Variants in IGBP1 observed in about 807,000 individuals in gnomAD.
IGBP1 encodes the protein immunoglobulin binding protein 1, also known as immunoglobulin-binding protein 1.
IGBP1 carries 2 observed loss-of-function variants against 25.9 expected under a neutral mutation model. The ratio of observed to expected loss-of-function variants is 0.08; its 90% CI spans 0.03 to 0.24. The LOEUF (loss-of-function observed/expected upper bound fraction) is 0.24, where lower values mean the gene tolerates loss of function less well. Ranked by LOEUF, IGBP1 falls within the 10% of genes least tolerant of loss-of-function variation. The pLI, the probability that IGBP1 is intolerant of heterozygous loss-of-function variation, is 1.00. For missense variants in IGBP1, 187 were observed against 260.4 expected (o/e 0.72, Z 1.94); for synonymous variants, 96 against 93.4 (o/e 1.03, Z -0.16).
At chrX:70,137,638 C>A (rs761282809) in intron 3 of IGBP1, among the ~76,000 whole-genome samples, 5 of 106,249 alleles carry the variant, frequency 4.7e-5, no homozygotes, top group Non-Finnish European at 9.6e-5. Context: ...AGGATATGGG[C>A]TAGACTGATA....
At chrX:70,150,109 A>G (rs2085193149) in intron 5 of IGBP1, 101 bp from the exon 6 acceptor site, 3 of 538,423 alleles carry the variant, frequency 5.6e-6, no homozygotes, top group Non-Finnish European at 1.0e-5. Context: ...TGAAACGGAC[A>G]CAGACTTTGT....
chrX:70,144,794 G>T (rs1443786565), intron 3 of IGBP1, among the ~76,000 whole-genome samples: 2 of 105,442 alleles, frequency 1.9e-5, no homozygotes, highest in African/African-American at 6.9e-5. Context: ...TGAGTAGCTG[G>T]AATTACAGGC....
chrX:70,143,314 G>A (rs1427554755), intron 3 of IGBP1, among the ~76,000 whole-genome samples: 2 of 112,203 alleles, frequency 1.8e-5, no homozygotes, highest in African/African-American at 6.5e-5. Flanking sequence ...GATTACAGGC[G>A]TGAGCCACCA....
At chrX:70,139,484 C>G (rs1322821688) in intron 3 of IGBP1, among the ~76,000 whole-genome samples, 1 of 111,445 alleles carries the variant, frequency 9.0e-6, no homozygotes, top group East Asian at 2.8e-4. Flanking sequence ...ATTCGTATTA[C>G]TAGCCCAGAC....
At chrX:70,140,688 T>G (rs746958652) in intron 3 of IGBP1, among the ~76,000 whole-genome samples, 2 of 111,984 alleles carry the variant, frequency 1.8e-5, no homozygotes, top group East Asian at 5.6e-4. Context: ...AACCTGTTTC[T>G]TCATGTATGT....
At chrX:70,154,405 G>A (rs1201202056) in intron 6 of IGBP1, among the ~76,000 whole-genome samples, 1 of 108,231 alleles carries the variant, frequency 9.2e-6, no homozygotes, top group East Asian at 2.9e-4. Flanking sequence ...AAGTAGGCTG[G>A]GAAGTTAAAG....
chrX:70,134,575 G>T lies in IGBP1; in HGVS notation c.241G>T (p.Val81Leu). The stretch of plus-strand genomic sequence containing the variant: ...TTCCACCGACCTGAAGTACCTTTTG[G>T]TGCCAGCGTTTCAAGGAGCCCTCAC... ...IASTDLKYLL[V>L]PAFQGALTMK... The change falls in exon 3 of 7, where the codon GTG (valine) becomes TTG (leucine). Residue 81 changes from valine to leucine, a missense_variant. Physicochemically the swap from Val to Leu is conservative, Grantham distance 32. Coordinates refer to ENST00000356413, the MANE Select transcript of IGBP1 (RefSeq NM_001551.3). The T allele has an allele frequency of 8.3e-7, 1 of 1,211,533 alleles. No homozygotes were observed. The highest frequency in any genetic ancestry group is 1.1e-6 in the Non-Finnish European group (1 of 895,242).
chrX:70,162,159 T>C (rs1171641039), intron 6 of IGBP1, among the ~76,000 whole-genome samples: 1 of 111,766 alleles, frequency 8.9e-6, no homozygotes. Context: ...GTAACTTTAG[T>C]TGGAAACCTA....
chrX:70,162,967 C>A lies in IGBP1; in HGVS notation c.872-2866C>A, dbSNP rs2085278645. On this transcript the variant is annotated intron_variant, in intron 6 of 6. Coordinates refer to ENST00000356413, the MANE Select transcript of IGBP1 (RefSeq NM_001551.3). ...CCAGCCTGGGTGACAGAGCAAGACT[C>A]CTTTGTCTCAAAAATAATAATAATA... is the stretch of plus-strand genomic sequence containing the variant. 2.7e-5 allele frequency among the ~76,000 whole-genome samples: 3 copies of A among 111,022 alleles called. No homozygotes were observed. In the South Asian group the frequency reaches 1.1e-3, roughly 42 times the overall value.
chrX:70,134,483 T>G (rs1876678346), intron 2 of IGBP1, 40 bp from the exon 3 acceptor site: 2 of 1,184,257 alleles, frequency 1.7e-6, no homozygotes, highest in Non-Finnish European at 2.3e-6. Context: ...ACAATTTGAA[T>G]GCCTAGTCAG....
intron 6 of IGBP1, among the ~76,000 whole-genome samples, chrX:70,155,203 TA>T (rs1470999933): frequency 2.7e-5 from 3 of 111,858 alleles, no homozygotes; most frequent in Admixed American, 9.5e-5. Context: ...TGGTTACAAA[TA>T]AAAAGAAGAA....
At chrX:70,142,344 A>G (rs1230638508) in intron 3 of IGBP1, among the ~76,000 whole-genome samples, 1 of 110,695 alleles carries the variant, frequency 9.0e-6, no homozygotes, top group Non-Finnish European at 1.9e-5. Flanking sequence ...AAATAAAGAG[A>G]AGAGTGATCA....
chrX:70,134,870 C>T (rs1312673014), intron 3 of IGBP1, 54 bp downstream of exon 3: 30 of 1,111,637 alleles, frequency 2.7e-5, no homozygotes, highest in Non-Finnish European at 3.6e-5. Flanking sequence ...TTTTCAGGGG[C>T]ATGCTTTCTT....
At chrX:70,139,827 G>A (rs762068146) in intron 3 of IGBP1, among the ~76,000 whole-genome samples, 9 of 111,731 alleles carry the variant, frequency 8.1e-5, no homozygotes, top group African/African-American at 2.9e-4. Context: ...AGACAAATCA[G>A]CTCCAAGGCC....
chrX:70,134,163 G>A, intron 2 of IGBP1, 28 bp downstream of exon 2: 5 of 1,172,767 alleles, frequency 4.3e-6, no homozygotes, highest in Non-Finnish European at 5.8e-6. Flanking sequence ...AATAATGGCT[G>A]AGAACGAAGG....
chrX:70,142,949 GTTTCACTC>G (rs1311207181), intron 3 of IGBP1, among the ~76,000 whole-genome samples: 1 of 80,531 alleles, frequency 1.2e-5, no homozygotes, highest in Non-Finnish European at 2.3e-5. Flanking sequence ...GTGAGACAGA[GTTTCACTC>G]TTGTTGCCCA....
chrX:70,160,019 A>G (rs1042271032), intron 6 of IGBP1, among the ~76,000 whole-genome samples: 1 of 111,459 alleles, frequency 9.0e-6, no homozygotes, highest in African/African-American at 3.3e-5. Flanking sequence ...CCCAGAGAGC[A>G]GTGTGTACAG....
At chrX:70,134,238 G>A in intron 2 of IGBP1, 103 bp downstream of exon 2, 1 of 760,050 alleles carries the variant, frequency 1.3e-6, no homozygotes, top group Non-Finnish European at 2.0e-6. Flanking sequence ...TGGTGAGAAC[G>A]TTTCGTTCCT....
chrX:70,165,511 G>A (rs756781380), intron 6 of IGBP1, among the ~76,000 whole-genome samples: 1 of 107,410 alleles, frequency 9.3e-6, no homozygotes, highest in Non-Finnish European at 1.9e-5. Context: ...TAATGTTTTT[G>A]TTTAGGGGCT....
Sources: allele counts gnomAD v4.1 joint callset (sites outside exome capture counted in the v4.1 genomes callset), GRCh38; gene constraint gnomAD v4.1.1; transcripts MANE v1.5; gene names NCBI Gene and HGNC (gene_info 2026-07-23, HGNC 2026-07-21).